The following SLC49A4 variants were observed in gnomAD, a reference collection of about 807,000 sequenced individuals.
SLC49A4 encodes solute carrier family 49 member 4.
A neutral mutation model predicts 50.6 loss-of-function variants in SLC49A4; 36 were observed. The ratio of observed to expected loss-of-function variants is 0.71; its 90% CI spans 0.55 to 0.94. The LOEUF (loss-of-function observed/expected upper bound fraction) is 0.94. Among genes scored for constraint, SLC49A4 ranks in the 40% least tolerant of loss-of-function variants. The pLI is 0.00. For missense variants in SLC49A4, 503 were observed against 605.7 expected (o/e 0.83, Z 1.78); for synonymous variants, 248 against 241.2 (o/e 1.03, Z -0.26).
At chr3:122,868,497 T>G (rs1188974275) in intron 7 of SLC49A4, among the ~76,000 whole-genome samples, 3 of 152,226 alleles carry the variant, frequency 2.0e-5, no homozygotes, top group African/African-American at 7.2e-5. Flanking sequence ...CAGGAAATTA[T>G]CTTGTCTGCC....
At chr3:122,804,391 CA>C (rs1403054504) in intron 1 of SLC49A4, among the ~76,000 whole-genome samples, 1 of 152,238 alleles carries the variant, frequency 6.6e-6, no homozygotes, top group Non-Finnish European at 1.5e-5. Flanking sequence ...GATTACATTT[CA>C]ACGTGAGACC....
intron 7 of SLC49A4, among the ~76,000 whole-genome samples, chr3:122,868,402 G>C (rs183830128): frequency 1.5e-4 from 23 of 152,252 alleles, no homozygotes; most frequent in African/African-American, 5.1e-4. Context: ...TAATTGAAAG[G>C]CAGTTGATTG....
At chr3:122,806,146 C>T (rs1198282630) in intron 1 of SLC49A4, among the ~76,000 whole-genome samples, 1 of 152,068 alleles carries the variant, frequency 6.6e-6, no homozygotes, top group East Asian at 1.9e-4. Flanking sequence ...TTTTTAGGGA[C>T]AGTTAAGAGT....
intron 1 of SLC49A4, among the ~76,000 whole-genome samples, chr3:122,806,011 G>A (rs1936213121): frequency 6.6e-6 from 1 of 152,134 alleles, no homozygotes; most frequent in Non-Finnish European, 1.5e-5. Context: ...AATAATCAGA[G>A]AGTTCTAAAG....
At chr3:122,853,959 G>T (rs952110627) in intron 5 of SLC49A4, among the ~76,000 whole-genome samples, 1 of 152,172 alleles carries the variant, frequency 6.6e-6, no homozygotes, top group Non-Finnish European at 1.5e-5. Context: ...GGGTAGAATT[G>T]TATTAACTAG....
At chr3:122,853,449 T>C (rs143914493) in intron 5 of SLC49A4, among the ~76,000 whole-genome samples, 3 of 152,274 alleles carry the variant, frequency 2.0e-5, no homozygotes, top group Non-Finnish European at 2.9e-5. Context: ...AGGAAAAGTG[T>C]AGCACCCATT....
At chr3:122,843,658 T>C (rs753016123) in intron 4 of SLC49A4, among the ~76,000 whole-genome samples, 5 of 152,226 alleles carry the variant, frequency 3.3e-5, no homozygotes, top group Non-Finnish European at 5.9e-5. Context: ...TCTTATAATT[T>C]AATTGTTGAG....
chr3:122,848,516 A>C (rs57029202), intron 5 of SLC49A4, among the ~76,000 whole-genome samples: 67,979 of 151,926 alleles, frequency 0.45, 15,993 homozygotes, highest in South Asian at 0.55. Context: ...TTTCTGAACC[A>C]TGATCATTAT....
rs1328743714 is a variant in SLC49A4 at position 122,879,420 on chromosome 3, A to G, written c.*42A>G. Reference sequence around the variant, plus strand: ...GAGTTTAAAAGGAGGCTGGAAATCAATACTGCACACTGCACATTTGCTCAG... The same window carrying G: ...GAGTTTAAAAGGAGGCTGGAAATCAGTACTGCACACTGCACATTTGCTCAG... On this transcript the variant is annotated 3_prime_UTR_variant, in exon 9 of 9. Transcript: ENST00000261038. The G allele has an allele frequency of 3.5e-6, 5 of 1,426,278 alleles. No homozygotes were observed. Among genetic ancestry groups the G allele is most frequent in the East Asian group, 4.6e-5 (2 of 43,776 alleles). The allele number at this position is 1,426,278 out of a possible 1,614,324, so 88.4% of individuals were successfully genotyped here.
intron 2 of SLC49A4, among the ~76,000 whole-genome samples, chr3:122,811,418 A>G (rs1195182615): frequency 6.6e-6 from 1 of 152,240 alleles, no homozygotes; most frequent in Non-Finnish European, 1.5e-5. Context: ...GATGAAAAAA[A>G]TTGATAATGT....
At chr3:122,796,389 T>TAA (rs1479082006) in intron 1 of SLC49A4, among the ~76,000 whole-genome samples, 2 of 152,210 alleles carry the variant, frequency 1.3e-5, no homozygotes, top group East Asian at 3.8e-4. Context: ...AATGAGTTCT[T>TAA]TAGTCAGATT....
At chr3:122,847,764 G>A (rs1576305029) in intron 5 of SLC49A4, among the ~76,000 whole-genome samples, 1 of 152,186 alleles carries the variant, frequency 6.6e-6, no homozygotes, top group Middle Eastern at 3.4e-3. Context: ...AATTAAAAAA[G>A]CAATCATTAG....
At chr3:122,800,909 C>T (rs774175995) in intron 1 of SLC49A4, among the ~76,000 whole-genome samples, 10 of 152,154 alleles carry the variant, frequency 6.6e-5, no homozygotes, top group East Asian at 1.9e-4. Context: ...ACATGGTTTA[C>T]GAAATTGTAG....
chr3:122,811,321 C>T (rs73856720), intron 2 of SLC49A4, among the ~76,000 whole-genome samples: 6,403 of 152,030 alleles, frequency 0.042, 441 homozygotes, highest in African/African-American at 0.14. Context: ...CTTGAGAACT[C>T]GAGAGAACTC....
rs2107584270 is a variant in SLC49A4, at chr3:122,872,462, A to G, written c.1186A>G (p.Ser396Gly). ...TCTCCTGGGAGTGTTCTTGAATAGC[A>G]GCGTGCCTATATTTTTTGAGCTTTT... ...CILLGVFLNS[S>G]VPIFFELFVE... The change falls in exon 8 of 9, where the codon AGC (serine) becomes GGC (glycine). Residue 396 changes from serine to glycine, a missense_variant. By Grantham distance (56) the Ser-to-Gly change is moderately conservative. Coordinates refer to ENST00000261038, the MANE Select transcript of SLC49A4 (RefSeq NM_032839.3). 6.2e-7 allele frequency: 1 copy of G among 1,613,998 alleles called. No homozygotes were observed. The highest frequency in any genetic ancestry group is 8.5e-7 in the Non-Finnish European group (1 of 1,179,928).
rs747959694 is a variant in SLC49A4, at chr3:122,872,425, T to C, written c.1149T>C (p.Tyr383=). Residue 383 remains tyrosine (Y), a synonymous_variant, in exon 8 of 9, where the codon TAT becomes TAC. Coordinates refer to ENST00000261038, the MANE Select transcript of SLC49A4 (RefSeq NM_032839.3). ...THLPLTTVTL[Y]ASCILLGVFL... is the part of the protein sequence containing the mutation. ...GTGTTTTTATTTTAGTGACATTGTA[T>C]GCCTCCTGTATTCTCCTGGGAGTGT... 33 of 1,606,314 alleles carry C rather than the reference T, an allele frequency of 2.1e-5. No homozygotes were observed. The highest frequency in any genetic ancestry group is 2.8e-5 in the Non-Finnish European group (33 of 1,177,986).
intron 4 of SLC49A4, among the ~76,000 whole-genome samples, chr3:122,838,505 A>G (rs1358682293): frequency 1.4e-5 from 2 of 145,138 alleles, no homozygotes; most frequent in Admixed American, 6.9e-5. Flanking sequence ...GAATTGAACA[A>G]TGAGAACACA....
intron 6 of SLC49A4, among the ~76,000 whole-genome samples, chr3:122,859,005 T>C (rs1454646026): frequency 1.3e-5 from 2 of 152,228 alleles, no homozygotes; most frequent in African/African-American, 4.8e-5. Context: ...CCAGATGCCG[T>C]GTATGTTTTG....
chr3:122,860,248 C>T (rs1008743013), intron 7 of SLC49A4, 46 bp downstream of exon 7: 5 of 1,515,876 alleles, frequency 3.3e-6, no homozygotes, highest in Non-Finnish European at 4.4e-6. Flanking sequence ...TTTTCATTCA[C>T]AGAAGTGTAC....
Sources: gnomAD v4.1 joint callset for allele counts (sites outside exome capture counted in the v4.1 genomes callset) on GRCh38, gnomAD v4.1.1 for gene constraint, MANE v1.5 for transcripts, NCBI Gene and HGNC (gene_info 2026-07-23, HGNC 2026-07-21) for gene names.